AUTS2: variants seen among roughly 807,000 people sequenced by gnomAD.
AUTS2 encodes the protein activator of transcription and developmental regulator AUTS2.
In AUTS2, 17 loss-of-function variants were observed where a neutral mutation model predicts 112.4. That is an observed-to-expected ratio of 0.15 (90% CI 0.10 to 0.23). The LOEUF (loss-of-function observed/expected upper bound fraction) is 0.23, where lower values mean the gene tolerates loss of function less well. AUTS2 is among the 10% of genes least tolerant of loss of function. The probability of loss-of-function intolerance (pLI) is 1.00; values close to 1 mark genes in which losing one functional copy is unlikely to be tolerated. For missense variants in AUTS2, 1,510 were observed against 1,701.6 expected (o/e 0.89, Z 1.98); for synonymous variants, 751 against 702.7 (o/e 1.07, Z -1.09).
At chr7:70,533,394 G>T (rs570036313) in intron 5 of AUTS2, among the ~76,000 whole-genome samples, 1 of 152,254 alleles carries the variant, frequency 6.6e-6, no homozygotes, top group African/African-American at 2.4e-5. Flanking sequence ...GATTATAGGC[G>T]TGAGGCACCA....
chr7:69,880,785 G>A (rs1201268844), intron 1 of AUTS2, among the ~76,000 whole-genome samples: 2 of 152,102 alleles, frequency 1.3e-5, no homozygotes, highest in Admixed American at 6.5e-5. Flanking sequence ...AGGAGAGGGT[G>A]GTGACAATGG....
chr7:70,673,637 A>G (rs1436909233), intron 5 of AUTS2, among the ~76,000 whole-genome samples: 1 of 152,078 alleles, frequency 6.6e-6, no homozygotes, highest in South Asian at 2.1e-4. Context: ...TGGCCTCTCA[A>G]GGTGCTGGGA....
intron 1 of AUTS2, among the ~76,000 whole-genome samples, chr7:69,649,750 A>G (rs1795209794): frequency 6.6e-6 from 1 of 152,170 alleles, no homozygotes; most frequent in South Asian, 2.1e-4. Context: ...GATGAGGGTT[A>G]TAGAGAATAA....
chr7:70,026,141 G>A (rs765362917), intron 2 of AUTS2, among the ~76,000 whole-genome samples: 5 of 152,188 alleles, frequency 3.3e-5, no homozygotes, highest in African/African-American at 4.8e-5. Context: ...GAGGCTTTGG[G>A]TGGTACCTAC....
At chr7:70,538,946 G>A (rs1389320332) in intron 5 of AUTS2, among the ~76,000 whole-genome samples, 1 of 152,136 alleles carries the variant, frequency 6.6e-6, no homozygotes, top group Non-Finnish European at 1.5e-5. Flanking sequence ...TTAGTTCTTT[G>A]TAAGTCTTTG....
intron 1 of AUTS2, among the ~76,000 whole-genome samples, chr7:69,655,508 A>C (rs780810165): frequency 6.6e-6 from 1 of 152,220 alleles, no homozygotes. Flanking sequence ...GGCCCACCCC[A>C]GACCTACTGA....
rs118161966 is a variant in AUTS2 at position 69,753,782 on chromosome 7, G to A, written c.310-145504G>A. 8.0e-3 allele frequency among the ~76,000 whole-genome samples: 1,224 copies of A among 152,290 alleles called. 30 individuals are homozygous for A. Among genetic ancestry groups the A allele is most frequent in the East Asian group, 0.061 (317 of 5,184 alleles). The stretch of plus-strand genomic sequence containing the variant: ...GATTTGTATCCACTCTGGAGCTGGA[G>A]GAGCTTATATTAAGAATGTAAGATA... On this transcript the variant is annotated intron_variant, in intron 1 of 18. Transcript: ENST00000342771.
intron 1 of AUTS2, among the ~76,000 whole-genome samples, chr7:69,655,234 G>A (rs1470341863): frequency 6.6e-6 from 1 of 152,166 alleles, no homozygotes; most frequent in African/African-American, 2.4e-5. Flanking sequence ...GTGGCTGAGT[G>A]CAAAATCACA....
At chr7:70,090,690 TTTTTTTTTTTGAGGCGGAGTCTCGG>T (rs999677524) in intron 2 of AUTS2, among the ~76,000 whole-genome samples, 9 of 151,780 alleles carry the variant, frequency 5.9e-5, no homozygotes, top group Non-Finnish European at 1.2e-4. Context: ...TCTGTCTTTT[TTTTTTTTTTTGAGGCGGAGTCTCGG>T]TCACCCAGAC....
At chr7:70,353,811 G>A (rs536129238) in intron 4 of AUTS2, among the ~76,000 whole-genome samples, 16 of 152,294 alleles carry the variant, frequency 1.1e-4, no homozygotes, top group Non-Finnish European at 1.6e-4. Context: ...AACATGAGCT[G>A]TTAGGGAAGA....
intron 2 of AUTS2, among the ~76,000 whole-genome samples, chr7:69,921,011 T>C (rs1015063990): frequency 6.6e-6 from 1 of 152,234 alleles, no homozygotes; most frequent in Non-Finnish European, 1.5e-5. Context: ...TGTGTTTTTC[T>C]TGGGAGGGTT....
At position 69,921,763 on chromosome 7, in the gene AUTS2, A is replaced by T. The variant is rs886104760; in HGVS notation, c.522+22265A>T. ...TGCAACAGAGCGAGACTCTGTCTTT[A>T]AAAAAAAAAAAAAAAAAAAAGGCCG... On this transcript the variant is annotated intron_variant, in intron 2 of 18. Coordinates refer to ENST00000342771, the MANE Select transcript of AUTS2 (RefSeq NM_015570.4). Among the ~76,000 whole-genome samples, 4 of 79,614 alleles carry T rather than the reference A, an allele frequency of 5.0e-5. No individual in the cohort carries two copies. In the South Asian group the frequency reaches 1.5e-3, roughly 30 times the overall value. The allele number at this position is 79,614 out of a possible 152,430, so 52.2% of individuals were successfully genotyped here. A position where few individuals can be genotyped will look rare whatever the true frequency, so the allele number is the denominator to read the frequency against.
intron 5 of AUTS2, among the ~76,000 whole-genome samples, chr7:70,564,121 A>C (rs1456087237): frequency 1.3e-5 from 2 of 152,194 alleles, no homozygotes; most frequent in South Asian, 4.1e-4. Flanking sequence ...ATCTGAGGTC[A>C]CTAGTAGATT....
chr7:70,402,621 C>T (rs539590171), intron 4 of AUTS2, among the ~76,000 whole-genome samples: 2 of 152,232 alleles, frequency 1.3e-5, no homozygotes, highest in South Asian at 2.1e-4. Flanking sequence ...GGCTTGCATG[C>T]GGGAAGAGCA....
intron 5 of AUTS2, among the ~76,000 whole-genome samples, chr7:70,448,795 G>A (rs1009102230): frequency 1.3e-5 from 2 of 152,152 alleles, no homozygotes; most frequent in East Asian, 3.9e-4. Flanking sequence ...TAGACATTGA[G>A]AAAAATCAGA....
intron 1 of AUTS2, among the ~76,000 whole-genome samples, chr7:69,886,675 A>G (rs996184251): frequency 6.6e-6 from 1 of 151,696 alleles, no homozygotes; most frequent in African/African-American, 2.4e-5. Context: ...TCTAGCCACC[A>G]CCCCTGCCTC....
intron 5 of AUTS2, among the ~76,000 whole-genome samples, chr7:70,473,484 A>C (rs1438873869): frequency 1.3e-5 from 2 of 152,144 alleles, no homozygotes; most frequent in Non-Finnish European, 2.9e-5. Flanking sequence ...TAAGAGCACA[A>C]AACCAAGGGC....
At chr7:70,651,457 A>G (rs1806502124) in intron 5 of AUTS2, among the ~76,000 whole-genome samples, 1 of 152,232 alleles carries the variant, frequency 6.6e-6, no homozygotes, top group South Asian at 2.1e-4. Flanking sequence ...TCAAAAATGC[A>G]TTTAATACAC....
In AUTS2 at chr7:70,382,153, T is replaced by A. The variant is rs76363840; in HGVS notation, c.661-53599T>A. Among the ~76,000 whole-genome samples the A allele has an allele frequency of 6.8e-3, 1,042 of 152,288 alleles. 17 individuals carry two copies. Among genetic ancestry groups the A allele is most frequent in the African/African-American group, 0.024 (1,005 of 41,568 alleles). On this transcript the variant is annotated intron_variant, in intron 4 of 18. Transcript: ENST00000342771. ...TCTGTAATCTCCTCTTCTCTCCAAA[T>A]CATCTCCTCCTATTTCCCCCAGCCT... is the stretch of plus-strand genomic sequence containing the variant.
Sources: gnomAD v4.1 joint callset for allele counts (sites outside exome capture counted in the v4.1 genomes callset) on GRCh38, gnomAD v4.1.1 for gene constraint, MANE v1.5 for transcripts, NCBI Gene and HGNC (gene_info 2026-07-23, HGNC 2026-07-21) for gene names.